The following POFUT3 variants were observed in gnomAD, a reference collection of about 807,000 sequenced individuals.
POFUT3 encodes protein O-fucosyltransferase 3, also known as GDP-fucose protein O-fucosyltransferase 3.
chr8:33,329,888 C>T, the POFUT3 span, among the ~76,000 whole-genome samples: 1 of 152,160 alleles, frequency 6.6e-6, no homozygotes, highest in Non-Finnish European at 1.5e-5. Context: ...AATAATATTC[C>T]TTTTTACTTT....
chr8:33,393,187 G>C, the POFUT3 span, among the ~76,000 whole-genome samples: 3 of 152,142 alleles, frequency 2.0e-5, no homozygotes, highest in African/African-American at 7.2e-5. Context: ...AGTCTATAGA[G>C]GAATGAAAAT....
At chr8:33,403,052 C>A in the POFUT3 span, among the ~76,000 whole-genome samples, 1 of 151,380 alleles carries the variant, frequency 6.6e-6, no homozygotes, top group Non-Finnish European at 1.5e-5. Context: ...CAAAGTGAAA[C>A]CGTGTCTCAA....
At chr8:33,332,183 A>AGG in the POFUT3 span, among the ~76,000 whole-genome samples, 1 of 133,128 alleles carries the variant, frequency 7.5e-6, no homozygotes, top group African/African-American at 2.7e-5. Flanking sequence ...GAGGAGGAGG[A>AGG]AAAAAAAAAA....
At chr8:33,385,716 T>C in the POFUT3 span, among the ~76,000 whole-genome samples, 3 of 150,120 alleles carry the variant, frequency 2.0e-5, no homozygotes, top group Non-Finnish European at 3.0e-5. Flanking sequence ...ACCCCATCTG[T>C]ACTAAAAATA....
the POFUT3 span, among the ~76,000 whole-genome samples, chr8:33,367,364 C>A: frequency 1.3e-5 from 2 of 152,212 alleles, no homozygotes; most frequent in East Asian, 1.9e-4. Flanking sequence ...ACTACCCCAA[C>A]CTATTCCTTT....
At chr8:33,469,230 C>T in the POFUT3 span, among the ~76,000 whole-genome samples, 4 of 151,930 alleles carry the variant, frequency 2.6e-5, no homozygotes, top group Admixed American at 6.6e-5. Flanking sequence ...GGCATGAACC[C>T]GGGAGGCGGA....
At chr8:33,313,477 C>A in the POFUT3 span, among the ~76,000 whole-genome samples, 2 of 152,110 alleles carry the variant, frequency 1.3e-5, no homozygotes, top group African/African-American at 4.8e-5. Context: ...CAGGCATTCT[C>A]GTGGCTCTGC....
the POFUT3 span, among the ~76,000 whole-genome samples, chr8:33,332,579 C>T: frequency 1.3e-5 from 2 of 151,774 alleles, no homozygotes; most frequent in African/African-American, 2.4e-5. Flanking sequence ...AATTTCACAG[C>T]GTGAGTGGGT....
At chr8:33,350,001 G>C in the POFUT3 span, among the ~76,000 whole-genome samples, 1 of 151,962 alleles carries the variant, frequency 6.6e-6, no homozygotes, top group African/African-American at 2.4e-5. Flanking sequence ...CAGGAGTAAG[G>C]TGGTATCTCA....
chr8:33,322,710 G>A, the POFUT3 span, among the ~76,000 whole-genome samples: 1 of 152,160 alleles, frequency 6.6e-6, no homozygotes, highest in Non-Finnish European at 1.5e-5. Context: ...TCAGAGCTGA[G>A]CTGCAAATGC....
the POFUT3 span, chr8:33,461,221 G>C: frequency 4.3e-6 from 2 of 468,830 alleles, no homozygotes; most frequent in South Asian, 4.5e-5. Context: ...GAGGGAGGGA[G>C]GGAGGGAGGG....
chr8:33,312,468 C>T, the POFUT3 span, among the ~76,000 whole-genome samples: 1 of 152,030 alleles, frequency 6.6e-6, no homozygotes, highest in African/African-American at 2.4e-5. Flanking sequence ...TGAGTCTCAC[C>T]ACCTTCCACA....
the POFUT3 span, among the ~76,000 whole-genome samples, chr8:33,453,930 C>T: frequency 2.0e-5 from 3 of 151,536 alleles, no homozygotes; most frequent in Non-Finnish European, 2.9e-5. Flanking sequence ...ACTTGAGCCT[C>T]GGCAACAGAG....
At chr8:33,393,935 C>T in the POFUT3 span, among the ~76,000 whole-genome samples, 1 of 152,128 alleles carries the variant, frequency 6.6e-6, no homozygotes, top group Non-Finnish European at 1.5e-5. Flanking sequence ...CTGTTGTGTC[C>T]TTTTGGGAGA....
the POFUT3 span, among the ~76,000 whole-genome samples, chr8:33,350,073 G>T: frequency 9.9e-5 from 15 of 151,990 alleles, no homozygotes; most frequent in South Asian, 2.1e-4. Context: ...TCATATGTTT[G>T]TTGGCCATTT....
the POFUT3 span, among the ~76,000 whole-genome samples, chr8:33,404,328 G>T: frequency 6.9e-6 from 1 of 144,472 alleles, no homozygotes; most frequent in African/African-American, 2.7e-5. Flanking sequence ...ACAGAGTAAG[G>T]CTCTGTCTCA....
the POFUT3 span, among the ~76,000 whole-genome samples, chr8:33,451,400 A>G: frequency 2.0e-5 from 3 of 152,100 alleles, no homozygotes; most frequent in Non-Finnish European, 4.4e-5. Flanking sequence ...GTATGTATAT[A>G]CATGTGTACA....
At chr8:33,416,899 C>T in the POFUT3 span, among the ~76,000 whole-genome samples, 3 of 151,706 alleles carry the variant, frequency 2.0e-5, no homozygotes, top group Non-Finnish European at 4.4e-5. Context: ...GATGTTTGGC[C>T]TCAAATTCTA....
the POFUT3 span, among the ~76,000 whole-genome samples, chr8:33,320,116 T>C: frequency 6.6e-6 from 1 of 152,010 alleles, no homozygotes; most frequent in Non-Finnish European, 1.5e-5. Flanking sequence ...GTATGTCATT[T>C]ATATGAGATC....
Sources: allele counts gnomAD v4.1 joint callset (sites outside exome capture counted in the v4.1 genomes callset), GRCh38; gene constraint gnomAD v4.1.1; transcripts MANE v1.5; gene names NCBI Gene and HGNC (gene_info 2026-07-23, HGNC 2026-07-21).